Variants in NAALADL2 observed in about 807,000 individuals in gnomAD.
NAALADL2 encodes the protein N-acetylated alpha-linked acidic dipeptidase like 2, also known as inactive N-acetylated-alpha-linked acidic dipeptidase-like protein 2.
A neutral mutation model predicts 87.2 loss-of-function variants in NAALADL2; 76 were observed. That is an observed-to-expected ratio of 0.87 (90% CI 0.72 to 1.05). The LOEUF (loss-of-function observed/expected upper bound fraction) is 1.05, where lower values mean the gene tolerates loss of function less well. NAALADL2 is among the 50% of genes least tolerant of loss of function. The pLI, the probability that NAALADL2 is intolerant of heterozygous loss-of-function variation, is 0.00. For missense variants in NAALADL2, 1,089 were observed against 945.8 expected, an observed-to-expected ratio of 1.15 and a Z score of -1.99; for synonymous variants, 354 against 331.0, an observed-to-expected ratio of 1.07 and a Z score of -0.75.
intron 1 of NAALADL2, among the ~76,000 whole-genome samples, chr3:174,478,174 A>G (rs1265133079): frequency 1.3e-5 from 2 of 152,144 alleles, no homozygotes; most frequent in African/African-American, 4.8e-5. Context: ...TTAGAAACTT[A>G]CGACTGATTT....
At chr3:175,479,232 A>C (rs1726120789) in intron 9 of NAALADL2, among the ~76,000 whole-genome samples, 1 of 151,846 alleles carries the variant, frequency 6.6e-6, no homozygotes, top group African/African-American at 2.4e-5. Flanking sequence ...ATCTTTAACA[A>C]AATAATTTGA....
chr3:174,537,561 G>C (rs140454529), intron 1 of NAALADL2, among the ~76,000 whole-genome samples: 16 of 152,246 alleles, frequency 1.1e-4, no homozygotes, highest in African/African-American at 3.6e-4. Flanking sequence ...TTAAAGTCTA[G>C]TGAGAGTCAG....
At chr3:175,367,078 G>A (rs1162308463) in intron 5 of NAALADL2, among the ~76,000 whole-genome samples, 3 of 151,122 alleles carry the variant, frequency 2.0e-5, no homozygotes, top group Admixed American at 1.3e-4. Context: ...TTCTACATAT[G>A]GCTAGCCAGT....
intron 5 of NAALADL2, among the ~76,000 whole-genome samples, chr3:175,386,469 T>C (rs1768388455): frequency 6.6e-6 from 1 of 151,988 alleles, no homozygotes; most frequent in Non-Finnish European, 1.5e-5. Flanking sequence ...TGTAATTGTG[T>C]ATTTCTGTCA....
intron 5 of NAALADL2, among the ~76,000 whole-genome samples, chr3:175,365,719 CA>C (rs1765476435): frequency 6.8e-6 from 1 of 146,938 alleles, no homozygotes; most frequent in African/African-American, 2.5e-5. Flanking sequence ...ATCTGAGATA[CA>C]TAGGATCCAA....
chr3:175,447,984 T>C (rs1720966301), intron 6 of NAALADL2, among the ~76,000 whole-genome samples: 2 of 152,222 alleles, frequency 1.3e-5, no homozygotes, highest in South Asian at 4.1e-4. Flanking sequence ...AAAGCCTCTC[T>C]TTACAATTTG....
intron 13 of NAALADL2, among the ~76,000 whole-genome samples, chr3:175,757,111 A>C (rs571922309): frequency 6.6e-6 from 1 of 151,982 alleles, no homozygotes; most frequent in African/African-American, 2.4e-5. Flanking sequence ...TGGGCTAAAC[A>C]AACAGTCCTC....
intron 1 of NAALADL2, among the ~76,000 whole-genome samples, chr3:174,870,642 C>G (rs1272136615): frequency 6.6e-6 from 1 of 151,524 alleles, no homozygotes; most frequent in African/African-American, 2.4e-5. Flanking sequence ...AGGGACAGAG[C>G]TAGGATTTAA....
At chr3:174,937,048 T>A (rs1318967758) in intron 1 of NAALADL2, among the ~76,000 whole-genome samples, 2 of 152,082 alleles carry the variant, frequency 1.3e-5, no homozygotes, top group Non-Finnish European at 1.5e-5. Flanking sequence ...AAGATTCAGA[T>A]TTTTAAAATA....
intron 2 of NAALADL2, among the ~76,000 whole-genome samples, chr3:174,662,037 C>T (rs1244468148): frequency 1.3e-5 from 2 of 152,174 alleles, no homozygotes; most frequent in Non-Finnish European, 2.9e-5. Context: ...CTATATAGCT[C>T]ATCCTCAGAG....
chr3:175,345,962 A>G (rs1294954134), intron 5 of NAALADL2, among the ~76,000 whole-genome samples: 1 of 152,136 alleles, frequency 6.6e-6, no homozygotes, highest in East Asian at 1.9e-4. Flanking sequence ...TTTACAAGAA[A>G]CAGACTGTGA....
At chr3:175,587,253 C>G (rs902182166) in intron 10 of NAALADL2, among the ~76,000 whole-genome samples, 1 of 152,194 alleles carries the variant, frequency 6.6e-6, no homozygotes, top group Admixed American at 6.5e-5. Context: ...TAATTGCAGA[C>G]TTAGTTCTCC....
At chr3:175,111,188 C>G (rs779452973) in intron 2 of NAALADL2, among the ~76,000 whole-genome samples, 1 of 151,560 alleles carries the variant, frequency 6.6e-6, no homozygotes, top group South Asian at 2.1e-4. Flanking sequence ...CTTTGCTCTA[C>G]GGAATATTTA....
chr3:175,634,789 A>C (rs1371245692), intron 11 of NAALADL2, among the ~76,000 whole-genome samples: 17 of 151,998 alleles, frequency 1.1e-4, no homozygotes, highest in Admixed American at 1.0e-3. Flanking sequence ...CATTTGAGGT[A>C]ATTCTGAAGC....
intron 1 of NAALADL2, among the ~76,000 whole-genome samples, chr3:174,957,934 A>AT (rs1197861880): frequency 6.6e-6 from 1 of 151,752 alleles, no homozygotes; most frequent in Non-Finnish European, 1.5e-5. Context: ...TGGCAAACTC[A>AT]TTTTTCCCCA....
rs1482249498 is a variant in NAALADL2, at chr3:175,791,932, A to T, written c.2190-11073A>T. 2.7e-5 allele frequency among the ~76,000 whole-genome samples: 4 copies of T among 150,588 alleles called. No homozygotes were observed. In the East Asian group the frequency reaches 7.8e-4, roughly 29 times the overall value. On this transcript the variant is annotated intron_variant, in intron 13 of 13. Transcript: ENST00000454872. ...AAAGCAAAAAAAAAAAACAACCCTG[A>T]TATTTCTACTATTTACTCACAACTT...
At chr3:174,776,839 T>C (rs1715271724) in intron 3 of NAALADL2, among the ~76,000 whole-genome samples, 1 of 152,142 alleles carries the variant, frequency 6.6e-6, no homozygotes. Context: ...CAAAGCTGCA[T>C]TGTTTGCACA....
intron 3 of NAALADL2, among the ~76,000 whole-genome samples, chr3:174,798,730 A>G (rs898411012): frequency 6.6e-6 from 1 of 151,990 alleles, no homozygotes; most frequent in African/African-American, 2.4e-5. Flanking sequence ...TTTTTTAGTG[A>G]TATTAGAAAT....
At chr3:174,495,214 A>T (rs1055808848) in intron 1 of NAALADL2, among the ~76,000 whole-genome samples, 5 of 149,332 alleles carry the variant, frequency 3.3e-5, no homozygotes, top group Middle Eastern at 3.4e-3. Flanking sequence ...TAAATGAAGG[A>T]TTCAGCAATA....
Sources: allele counts gnomAD v4.1 joint callset (sites outside exome capture counted in the v4.1 genomes callset), GRCh38; gene constraint gnomAD v4.1.1; transcripts MANE v1.5; gene names NCBI Gene and HGNC (gene_info 2026-07-23, HGNC 2026-07-21).